ST6GALNAC3: variants seen among roughly 807,000 people sequenced by gnomAD.
ST6GALNAC3 encodes the protein alpha-N-acetylgalactosaminide alpha-2,6-sialyltransferase 3.
Under a neutral mutation model 32.7 loss-of-function variants are expected in ST6GALNAC3, and 25 were observed. That is an observed-to-expected ratio of 0.76 (90% CI 0.56 to 1.07). ST6GALNAC3 has a LOEUF of 1.07. Among genes scored for constraint, ST6GALNAC3 ranks in the 50% least tolerant of loss-of-function variants. The probability of loss-of-function intolerance (pLI) is 0.00; values close to 1 mark genes in which losing one functional copy is unlikely to be tolerated. For synonymous variants in ST6GALNAC3, 129 were observed against 133.1 expected, an observed-to-expected ratio of 0.97 and a Z score of 0.21; for missense variants, 355 against 382.4, an observed-to-expected ratio of 0.93 and a Z score of 0.60.
chr1:76,317,030 C>T (rs1273402776), intron 2 of ST6GALNAC3, among the ~76,000 whole-genome samples: 1 of 151,896 alleles, frequency 6.6e-6, no homozygotes, highest in Non-Finnish European at 1.5e-5. Flanking sequence ...CATGATAGAC[C>T]CCATATTGCA....
chr1:76,264,023 G>A (rs1658393831), intron 1 of ST6GALNAC3, among the ~76,000 whole-genome samples: 2 of 152,142 alleles, frequency 1.3e-5, no homozygotes, highest in Admixed American at 1.3e-4. Context: ...AAAGTTCTGT[G>A]TTGGTTGGAT....
intron 1 of ST6GALNAC3, among the ~76,000 whole-genome samples, chr1:76,252,749 GA>G (rs1420734061): frequency 1.3e-5 from 2 of 152,100 alleles, no homozygotes; most frequent in African/African-American, 4.8e-5. Flanking sequence ...TTACATTTAA[GA>G]ATCTCTTTTC....
In ST6GALNAC3 at chr1:76,503,166, G is replaced by A. The variant is rs150713504; in HGVS notation, c.623+90749G>A. 9.5e-3 allele frequency among the ~76,000 whole-genome samples: 1,443 copies of A among 152,322 alleles called. 31 individuals are homozygous for A. Among genetic ancestry groups the A allele is most frequent in the African/African-American group, 0.032 (1,340 of 41,570 alleles). ...AGAGGATAACTGGCTGGCCAGCACT[G>A]TCAGCAAGCAGGATTTGCCAAAGAG... is the stretch of plus-strand genomic sequence containing the variant. On this transcript the variant is annotated intron_variant, in intron 3 of 4. Coordinates refer to ENST00000328299, the MANE Select transcript of ST6GALNAC3 (RefSeq NM_152996.4).
At chr1:76,092,837 T>C (rs1336770267) in intron 1 of ST6GALNAC3, among the ~76,000 whole-genome samples, 1 of 152,114 alleles carries the variant, frequency 6.6e-6, no homozygotes, top group African/African-American at 2.4e-5. Context: ...CTGCCTGGCG[T>C]CCAGCGTGAC....
chr1:76,621,601 A>G (rs1253391829), intron 3 of ST6GALNAC3, among the ~76,000 whole-genome samples: 2 of 152,016 alleles, frequency 1.3e-5, no homozygotes, highest in Non-Finnish European at 2.9e-5. Context: ...TGACTTGGGG[A>G]CAGCTGAAAT....
chr1:76,330,314 G>A (rs754467934), intron 2 of ST6GALNAC3, among the ~76,000 whole-genome samples: 3 of 151,884 alleles, frequency 2.0e-5, no homozygotes, highest in Non-Finnish European at 2.9e-5. Flanking sequence ...CATCATGCCC[G>A]GCTAATTTTT....
chr1:76,247,326 C>T (rs1657323070), intron 1 of ST6GALNAC3, among the ~76,000 whole-genome samples: 1 of 152,148 alleles, frequency 6.6e-6, no homozygotes, highest in East Asian at 1.9e-4. Flanking sequence ...AGAGCTGGTG[C>T]ACTGTGTTGG....
At chr1:76,208,570 A>G (rs1470446297) in intron 1 of ST6GALNAC3, among the ~76,000 whole-genome samples, 8 of 150,946 alleles carry the variant, frequency 5.3e-5, no homozygotes, top group Non-Finnish European at 7.4e-5. Context: ...TTTCTGAGGG[A>G]GTCATTCAGG....
intron 3 of ST6GALNAC3, among the ~76,000 whole-genome samples, chr1:76,552,311 C>G (rs1038331169): frequency 6.6e-6 from 1 of 152,210 alleles, no homozygotes; most frequent in Non-Finnish European, 1.5e-5. Flanking sequence ...CCCTTTCCCC[C>G]ACATTGGAGA....
chr1:76,599,930 G>A (rs1474697180), intron 3 of ST6GALNAC3, among the ~76,000 whole-genome samples: 4 of 152,012 alleles, frequency 2.6e-5, no homozygotes. Context: ...AACTGACCTG[G>A]TGAGAAGAAA....
chr1:76,432,000 C>G (rs1305207314), intron 3 of ST6GALNAC3, among the ~76,000 whole-genome samples: 1 of 152,180 alleles, frequency 6.6e-6, no homozygotes, highest in Admixed American at 6.5e-5. Context: ...CCTCTCTCTC[C>G]CCTAACCCCT....
At chr1:76,567,752 T>C (rs569965383) in intron 3 of ST6GALNAC3, among the ~76,000 whole-genome samples, 1 of 152,280 alleles carries the variant, frequency 6.6e-6, no homozygotes, top group South Asian at 2.1e-4. Flanking sequence ...ATTTCAGTTA[T>C]TTACCTTGAA....
At chr1:76,635,437 T>C (rs539518394), downstream of ST6GALNAC3, among the ~76,000 whole-genome samples, 74 of 152,286 alleles carry the variant, frequency 4.9e-4, no homozygotes, top group African/African-American at 1.7e-3. Context: ...CCCAATACTT[T>C]ATGAGGTACA....
rs183318718 is a variant in ST6GALNAC3 at position 76,579,342 on chromosome 1, T to C, written c.624-48110T>C. Among the ~76,000 whole-genome samples the C allele has an allele frequency of 4.4e-4, 67 of 152,162 alleles. No homozygotes were observed. In the Middle Eastern group the frequency reaches 0.01, roughly 23 times the overall value. Reference sequence around the variant, plus strand: ...CCAACCCTTCTCCCACCTGTTTTTTTTGAGGCAAATCCAATAGCATATTAT... The same window carrying C: ...CCAACCCTTCTCCCACCTGTTTTTTCTGAGGCAAATCCAATAGCATATTAT... On this transcript the variant is annotated intron_variant, in intron 3 of 4. Transcript: ENST00000328299.
intron 3 of ST6GALNAC3, among the ~76,000 whole-genome samples, chr1:76,517,330 T>A (rs1484901232): frequency 6.6e-6 from 1 of 151,940 alleles, no homozygotes; most frequent in African/African-American, 2.4e-5. Flanking sequence ...TGTGTTTTAA[T>A]GTCTTATTGT....
intron 3 of ST6GALNAC3, among the ~76,000 whole-genome samples, chr1:76,521,526 C>T (rs866652942): frequency 3.9e-5 from 6 of 151,984 alleles, no homozygotes; most frequent in African/African-American, 7.2e-5. Context: ...GGCTTATATT[C>T]ACTTATGTTT....
At chr1:76,210,545 A>G (rs1273953496) in intron 1 of ST6GALNAC3, among the ~76,000 whole-genome samples, 1 of 152,182 alleles carries the variant, frequency 6.6e-6, no homozygotes, top group Non-Finnish European at 1.5e-5. Flanking sequence ...TAGGATTTCC[A>G]TAACAAAATA....
At chr1:76,546,972 G>C (rs1664337600) in intron 3 of ST6GALNAC3, among the ~76,000 whole-genome samples, 1 of 152,214 alleles carries the variant, frequency 6.6e-6, no homozygotes, top group African/African-American at 2.4e-5. Flanking sequence ...AAAAGGATTG[G>C]ATAGCTGTAG....
intron 1 of ST6GALNAC3, among the ~76,000 whole-genome samples, chr1:76,202,568 A>G (rs932635229): frequency 2.6e-5 from 4 of 152,136 alleles, no homozygotes; most frequent in African/African-American, 9.7e-5. Context: ...ATGTGTGTAT[A>G]AGTAGTTGGA....
Sources: allele counts gnomAD v4.1 joint callset (sites outside exome capture counted in the v4.1 genomes callset), GRCh38; gene constraint gnomAD v4.1.1; transcripts MANE v1.5; gene names NCBI Gene and HGNC (gene_info 2026-07-23, HGNC 2026-07-21).